The following DACH2 variants were observed in gnomAD, a reference collection of about 807,000 sequenced individuals.
DACH2 encodes the protein dachshund family transcription factor 2, also known as dachshund homolog 2.
DACH2 carries 17 observed loss-of-function variants against 35.8 expected under a neutral mutation model. The observed-to-expected ratio is 0.48, with a 90% confidence interval of 0.33 to 0.71. DACH2 has a LOEUF of 0.71. DACH2 is among the 30% of genes least tolerant of loss of function. The pLI is 0.02. For missense variants in DACH2, 469 were observed against 472.7 expected, an observed-to-expected ratio of 0.99 and a Z score of 0.07; for synonymous variants, 195 against 177.3, an observed-to-expected ratio of 1.10 and a Z score of -0.79.
At chrX:86,350,093 GGGAGGC>G (rs1284868039) in intron 1 of DACH2, among the ~76,000 whole-genome samples, 1 of 112,042 alleles carries the variant, frequency 8.9e-6, no homozygotes, top group East Asian at 2.8e-4. Context: ...GCTCCAACCT[GGGAGGC>G]GGAGGTTGCA....
intron 3 of DACH2, among the ~76,000 whole-genome samples, chrX:86,553,794 T>C (rs1264345029): frequency 8.9e-6 from 1 of 111,929 alleles, no homozygotes; most frequent in Non-Finnish European, 1.9e-5. Flanking sequence ...TCCAGGTTAC[T>C]GGGATCACCC....
chrX:86,458,403 C>A (rs181393555), intron 2 of DACH2, among the ~76,000 whole-genome samples: 6 of 111,497 alleles, frequency 5.4e-5, no homozygotes, highest in African/African-American at 2.0e-4. Flanking sequence ...GTGTCAGGGG[C>A]TGATAAAATG....
In DACH2 at chrX:86,654,091, A is replaced by AAG. The variant is rs1460240186; in HGVS notation, c.772+2924_772+2925insAG. ...TTCTCTGTTGATTGGCCTGCACGGC[A>AAG]GTGGTCTCTAGCCCTTTGCTTTCTT... On this transcript the variant is annotated intron_variant, in intron 4 of 11. Coordinates refer to ENST00000373125, the MANE Select transcript of DACH2 (RefSeq NM_053281.3). 2.7e-4 allele frequency among the ~76,000 whole-genome samples: 28 copies of AAG among 103,783 alleles called. 1 individual carries two copies. In the East Asian group the frequency reaches 8.8e-3, roughly 33 times the overall value. 90.1% of individuals were successfully genotyped at this position (103,783 alleles called of 115,157 possible).
chrX:86,642,183 G>A (rs1015588003), intron 3 of DACH2, among the ~76,000 whole-genome samples: 1 of 111,350 alleles, frequency 9.0e-6, no homozygotes, highest in Non-Finnish European at 1.9e-5. Context: ...AAAAAAGCAA[G>A]ACCCCATAGT....
At chrX:86,814,908 T>A in intron 10 of DACH2, 74 bp downstream of exon 10, 4 of 1,021,563 alleles carry the variant, frequency 3.9e-6, no homozygotes, top group Non-Finnish European at 5.3e-6. Flanking sequence ...GAAGAAGGAA[T>A]AAAAAGAGAG....
intron 1 of DACH2, among the ~76,000 whole-genome samples, chrX:86,196,433 C>T (rs1202173527): frequency 1.8e-5 from 2 of 110,116 alleles, no homozygotes; most frequent in African/African-American, 3.3e-5. Context: ...TGGCTCACAC[C>T]TGTAATCCCA....
intron 4 of DACH2, among the ~76,000 whole-genome samples, chrX:86,682,689 G>A (rs2040894153): frequency 9.0e-6 from 1 of 111,615 alleles, no homozygotes; most frequent in Non-Finnish European, 1.9e-5. Flanking sequence ...ATAAGCCCCA[G>A]TGTAATACAA....
intron 11 of DACH2, among the ~76,000 whole-genome samples, chrX:86,818,024 G>A (rs2042470224): frequency 8.9e-6 from 1 of 112,017 alleles, no homozygotes; most frequent in Non-Finnish European, 1.9e-5. Context: ...AATTAAAAAT[G>A]ACACTGTCTA....
rs375172441 is a variant in DACH2 at position 86,357,648 on chromosome X, C to G, written c.489-19176C>G. ...CATTTGTATTAAATATTTTTCTGGG[C>G]TTATTCAAACATACAGCCTTAATAA... On this transcript the variant is annotated intron_variant, in intron 1 of 11. Transcript: ENST00000373125. 3.1e-4 allele frequency among the ~76,000 whole-genome samples: 35 copies of G among 112,106 alleles called. No individual in the cohort carries two copies. The East Asian group carries it at 3.7e-3, about 12-fold the overall frequency.
intron 3 of DACH2, among the ~76,000 whole-genome samples, chrX:86,551,080 G>A (rs1299236650): frequency 1.8e-5 from 2 of 111,602 alleles, no homozygotes; most frequent in Non-Finnish European, 3.8e-5. Context: ...GCAAAATTAG[G>A]CCAACCACTG....
At position 86,581,017 on chromosome X, in the gene DACH2, C is replaced by A. The variant is rs141120739; in HGVS notation, c.640+66626C>A. Among the ~76,000 whole-genome samples, 6 of 111,186 alleles carry A rather than the reference C, an allele frequency of 5.4e-5. No homozygotes were observed. In the East Asian group the frequency reaches 1.7e-3, roughly 32 times the overall value. On this transcript the variant is annotated intron_variant, in intron 3 of 11. Coordinates refer to ENST00000373125, the MANE Select transcript of DACH2 (RefSeq NM_053281.3). The stretch of plus-strand genomic sequence containing the variant: ...GGGGCAGGTCACCTACAAAGGGAAC[C>A]CCATCAGGCTAACAGTAGACCTTTC...
At chrX:86,656,036 C>CG (rs1221441674) in intron 4 of DACH2, among the ~76,000 whole-genome samples, 18 of 97,924 alleles carry the variant, frequency 1.8e-4, no homozygotes, top group African/African-American at 5.5e-4. Flanking sequence ...AGCTCCCCCC[C>CG]CCCACTAATC....
chrX:86,336,268 G>A (rs1038269413), intron 1 of DACH2, among the ~76,000 whole-genome samples: 1 of 112,211 alleles, frequency 8.9e-6, no homozygotes, highest in Admixed American at 9.4e-5. Flanking sequence ...CTCATAAAAT[G>A]ATTTAGGGAG....
At chrX:86,307,880 T>C (rs755150658) in intron 1 of DACH2, among the ~76,000 whole-genome samples, 18 of 111,845 alleles carry the variant, frequency 1.6e-4, no homozygotes, top group Non-Finnish European at 3.2e-4. Context: ...CAACATAGAA[T>C]TGGATCAGGC....
chrX:86,396,283 T>G (rs1445797553), intron 2 of DACH2, among the ~76,000 whole-genome samples: 1 of 102,467 alleles, frequency 9.8e-6, no homozygotes, highest in Non-Finnish European at 2.0e-5. Context: ...AGATTCTGGA[T>G]ATTAGCCCTT....
chrX:86,282,537 C>G (rs2034051726), intron 1 of DACH2, among the ~76,000 whole-genome samples: 2 of 111,252 alleles, frequency 1.8e-5, no homozygotes, highest in African/African-American at 3.3e-5. Context: ...CATAAAAACT[C>G]TAGAAGGAAA....
chrX:86,366,963 G>C (rs1050556888), intron 1 of DACH2, among the ~76,000 whole-genome samples: 2 of 110,551 alleles, frequency 1.8e-5, no homozygotes, highest in Non-Finnish European at 1.9e-5. Context: ...AAATTACCCA[G>C]TCTCGGGTGT....
chrX:86,305,098 G>C (rs1286827422), intron 1 of DACH2: 1 of 143,894 alleles, frequency 6.9e-6, no homozygotes, highest in Admixed American at 7.2e-5. Context: ...TGAGCACTGG[G>C]CACAGGGACC....
chrX:86,256,105 T>TA (rs1048376885), intron 1 of DACH2, among the ~76,000 whole-genome samples: 1 of 110,873 alleles, frequency 9.0e-6, no homozygotes, highest in Admixed American at 9.7e-5. Context: ...TTTATTTTTT[T>TA]AAAAAAAGAA....
Sources: gnomAD v4.1 joint callset for allele counts (sites outside exome capture counted in the v4.1 genomes callset) on GRCh38, gnomAD v4.1.1 for gene constraint, MANE v1.5 for transcripts, NCBI Gene and HGNC (gene_info 2026-07-23, HGNC 2026-07-21) for gene names.